The following SLC39A13 variants were observed in gnomAD, a reference collection of about 807,000 sequenced individuals.
The protein encoded by SLC39A13 is zinc transporter ZIP13.
SLC39A13 carries 18 observed loss-of-function variants against 38.7 expected under a neutral mutation model. The ratio of observed to expected loss-of-function variants is 0.47; its 90% CI spans 0.32 to 0.69. The LOEUF (loss-of-function observed/expected upper bound fraction) is 0.69, where lower values mean the gene tolerates loss of function less well. Among genes scored for constraint, SLC39A13 ranks in the 30% least tolerant of loss-of-function variants. SLC39A13 has a pLI of 0.03. For missense variants in SLC39A13, 395 were observed against 490.7 expected (o/e 0.80, Z 1.84); for synonymous variants, 212 against 219.1 (o/e 0.97, Z 0.29).
intron 2 of SLC39A13, among the ~76,000 whole-genome samples, chr11:47,411,309 A>G (rs181336342): frequency 4.3e-4 from 65 of 152,332 alleles, no homozygotes; most frequent in Non-Finnish European, 7.8e-4. Flanking sequence ...ACATATTGTC[A>G]TTTAATTCCC....
At chr11:47,411,490 A>G (rs1216776255) in intron 2 of SLC39A13, among the ~76,000 whole-genome samples, 3 of 152,216 alleles carry the variant, frequency 2.0e-5, no homozygotes, top group African/African-American at 7.2e-5. Flanking sequence ...CTGTAATCCC[A>G]GCTACTCAGG....
chr11:47,413,788 G>T, intron 6 of SLC39A13, 102 bp downstream of exon 6: 2 of 1,288,522 alleles, frequency 1.6e-6, no homozygotes, highest in South Asian at 2.5e-5. Context: ...CATTGCCAGC[G>T]CCCTCATCTA....
chr11:47,414,521 G>A, intron 7 of SLC39A13, 46 bp downstream of exon 7: 3 of 1,598,620 alleles, frequency 1.9e-6, no homozygotes, highest in Non-Finnish European at 2.6e-6. Flanking sequence ...CCCCCACAGT[G>A]CCCATGATCA....
chr11:47,415,782 C>G lies in SLC39A13; in HGVS notation c.*419C>G, dbSNP rs1595888259. The G allele has an allele frequency of 3.1e-6, 1 of 326,804 alleles. No individual in the cohort carries two copies. The highest frequency in any genetic ancestry group is 6.0e-6 in the Non-Finnish European group (1 of 167,936). The allele number at this position is 326,804 out of a possible 1,614,324, so 20.2% of individuals were successfully genotyped here. A position where few individuals can be genotyped will look rare whatever the true frequency, so the allele number is the denominator to read the frequency against. On this transcript the variant is annotated 3_prime_UTR_variant, in exon 10 of 10. Coordinates refer to ENST00000362021, the MANE Select transcript of SLC39A13 (RefSeq NM_001128225.3). ...AGAGCTGCCCACCTCCCACTGCCCC[C>G]TCAGCACACACACAGTCCCCAGGCG...
rs1259099794 is a variant in SLC39A13, at chr11:47,416,230, G to A, written c.*867G>A. 8 of 152,890 alleles carry A rather than the reference G, an allele frequency of 5.2e-5. No homozygotes were observed. Among genetic ancestry groups the A allele is most frequent in the African/African-American group, 1.9e-4 (8 of 41,462 alleles). The allele number at this position is 152,890 out of a possible 1,614,324, so 9.5% of individuals were successfully genotyped here. A position where few individuals can be genotyped will look rare whatever the true frequency, so the allele number is the denominator to read the frequency against. On this transcript the variant is annotated 3_prime_UTR_variant, in exon 10 of 10. Transcript: ENST00000362021. The stretch of plus-strand genomic sequence containing the variant: ...CCCCATTGAGGTTGGGGTAGGTGGG[G>A]GCGGTGAGGGCTCCACGTTGTCAGC...
chr11:47,411,807 A>G lies in SLC39A13; in HGVS notation c.302-119A>G. On this transcript the variant is annotated intron_variant, in intron 2 of 9. Coordinates refer to ENST00000362021, the MANE Select transcript of SLC39A13 (RefSeq NM_001128225.3). ...GCTGTGAGGTGGGGGACCCAGGAAG[A>G]GCAGCCACCCATATCCAGCCTTGCA... 3 of 940,720 alleles carry G rather than the reference A, an allele frequency of 3.2e-6. No individual in the cohort carries two copies. In the East Asian group the frequency reaches 7.9e-5, roughly 25 times the overall value. The allele number at this position is 940,720 out of a possible 1,614,324, so 58.3% of individuals were successfully genotyped here.
rs1423220823 is a variant in SLC39A13, at chr11:47,410,416, G to A, written c.301+21G>A. ...AGAAGGTAGGTGACTCTCCGGTGGC[G>A]CCCAGGGCTGGCCAGGGTGTGGGAA... On this transcript the variant is annotated intron_variant, in intron 2 of 9. Transcript: ENST00000362021. 3.7e-6 allele frequency: 6 copies of A among 1,612,820 alleles called. No homozygotes were observed. In the African/African-American group the frequency reaches 4.0e-5, roughly 11 times the overall value.
intron 2 of SLC39A13, among the ~76,000 whole-genome samples, chr11:47,410,709 A>G (rs1641708760): frequency 6.6e-6 from 1 of 152,140 alleles, no homozygotes; most frequent in African/African-American, 2.4e-5. Context: ...CACAAATAAC[A>G]TGTTGTAACA....
In SLC39A13 at chr11:47,415,508, T is replaced by C. The variant is rs1595887884; in HGVS notation, c.*145T>C. 1 of 886,658 alleles carries C rather than the reference T, an allele frequency of 1.1e-6. No homozygotes were observed. The highest frequency in any genetic ancestry group is 2.6e-5 in the East Asian group (1 of 39,136). The allele number at this position is 886,658 out of a possible 1,614,324, so 54.9% of individuals were successfully genotyped here. On this transcript the variant is annotated 3_prime_UTR_variant, in exon 10 of 10. Transcript: ENST00000362021. Reference sequence around the variant, plus strand: ...CAGACAGGAGGGAGGTGCGTGTGGATGTATGTGGTGTGCACATGTGGCCAG... The same window carrying C: ...CAGACAGGAGGGAGGTGCGTGTGGACGTATGTGGTGTGCACATGTGGCCAG...
At chr11:47,413,223 C>T (rs553656842) in intron 4 of SLC39A13, among the ~76,000 whole-genome samples, 177 bp from the exon 5 acceptor site, 3 of 152,172 alleles carry the variant, frequency 2.0e-5, no homozygotes, top group Non-Finnish European at 4.4e-5. Context: ...CCAGGCTGGT[C>T]TCGAACTCCT....
upstream of SLC39A13, chr11:47,408,510 G>A (rs1220052434): frequency 3.3e-5 from 5 of 149,620 alleles, no homozygotes; most frequent in African/African-American, 1.2e-4. Context: ...CTCGGGTTCC[G>A]GACAGGCCCC....
intron 4 of SLC39A13, among the ~76,000 whole-genome samples, chr11:47,412,992 C>T (rs1196873831): frequency 1.3e-5 from 2 of 151,030 alleles, no homozygotes; most frequent in African/African-American, 4.9e-5. Context: ...GATCTCTTGA[C>T]TTCTTGATCC....
In SLC39A13 at chr11:47,411,909, G is replaced by T. The variant is rs775872862; in HGVS notation, c.302-17G>T. 1.2e-6 allele frequency: 2 copies of T among 1,608,396 alleles called. No homozygotes were observed. Among genetic ancestry groups the T allele is most frequent in the Admixed American group, 1.7e-5 (1 of 59,444 alleles). On this transcript the variant is annotated splice_polypyrimidine_tract_variant and intron_variant, in intron 2 of 9. Coordinates refer to ENST00000362021, the MANE Select transcript of SLC39A13 (RefSeq NM_001128225.3). ...TCCAGCCAGTCAGCCCCCAGACCCCGCATCTCTCCCTTGTAGCTGGGGCCT... is the reference window on the plus strand; with the variant it reads ...TCCAGCCAGTCAGCCCCCAGACCCCTCATCTCTCCCTTGTAGCTGGGGCCT...
In SLC39A13 at chr11:47,410,332, C is replaced by T. The variant is rs760172683; in HGVS notation, c.238C>T (p.Leu80Phe). The change falls in exon 2 of 10, where the codon CTC (leucine) becomes TTC (phenylalanine). Residue 80 changes from leucine (L) to phenylalanine (F), a missense_variant. Transcript: ENST00000362021. Reference sequence around the variant, plus strand: ...CCTCCTGGGTTCCCTCATGGTGGGGCTCAGTGGGGTCTTCCCGTTGCTTGT... The same window carrying T: ...CCTCCTGGGTTCCCTCATGGTGGGGTTCAGTGGGGTCTTCCCGTTGCTTGT... ...CSLLGSLMVG[L>F]SGVFPLLVIP... 1 of 1,614,126 alleles carries T rather than the reference C, an allele frequency of 6.2e-7. No individual in the cohort carries two copies. Among genetic ancestry groups the T allele is most frequent in the East Asian group, 2.2e-5 (1 of 44,872 alleles).
At chr11:47,408,697 C>CG (rs2095982081) in intron 1 of SLC39A13, 35 bp downstream of exon 1, 1 of 153,074 alleles carries the variant, frequency 6.5e-6, no homozygotes, top group Non-Finnish European at 1.5e-5. Context: ...GCCCGCGCCC[C>CG]GGGCGTGATG....
chr11:47,409,933 G>C, intron 1 of SLC39A13, 154 bp from the exon 2 acceptor site: 1 of 834,128 alleles, frequency 1.2e-6, no homozygotes, highest in Non-Finnish European at 1.9e-6. Flanking sequence ...CCCCATTGCT[G>C]TGCACCCAGC....
At position 47,415,546 on chromosome 11, in the gene SLC39A13, G is replaced by A. The variant is rs1444061027; in HGVS notation, c.*183G>A. 3 of 711,506 alleles carry A rather than the reference G, an allele frequency of 4.2e-6. No homozygotes were observed. The highest frequency in any genetic ancestry group is 4.1e-5 in the Admixed American group (2 of 48,850). 44.1% of individuals were successfully genotyped at this position (711,506 alleles called of 1,614,324 possible). On this transcript the variant is annotated 3_prime_UTR_variant, in exon 10 of 10. Transcript: ENST00000362021. ...CACATGTGGCCAGAGGTGTGTGCGCGAGACCGACACTGTGATCCCTGTGCT... is the reference window on the plus strand; with the variant it reads ...CACATGTGGCCAGAGGTGTGTGCGCAAGACCGACACTGTGATCCCTGTGCT...
At chr11:47,414,743 G>A in intron 7 of SLC39A13, 34 bp from the exon 8 acceptor site, 10 of 1,602,718 alleles carry the variant, frequency 6.2e-6, no homozygotes, top group Non-Finnish European at 8.5e-6. Context: ...AGGCCCCGCT[G>A]GGGCGCAGGG....
In SLC39A13 at chr11:47,410,499, G is replaced by A. The variant is rs144182207; in HGVS notation, c.301+104G>A. ...TCACAGAGTGTCTGAGATGGAGGGA[G>A]AGGATAGAATAGAACTTCTCCCCTT... On this transcript the variant is annotated intron_variant, in intron 2 of 9. Transcript: ENST00000362021. The A allele has an allele frequency of 8.1e-5, 117 of 1,435,900 alleles. No homozygotes were observed. In the African/African-American group the frequency reaches 1.5e-3, roughly 18 times the overall value. The allele number at this position is 1,435,900 out of a possible 1,614,324, so 88.9% of individuals were successfully genotyped here. A position where few individuals can be genotyped will look rare whatever the true frequency, so the allele number is the denominator to read the frequency against.
Sources: gnomAD v4.1 joint callset for allele counts (sites outside exome capture counted in the v4.1 genomes callset) on GRCh38, gnomAD v4.1.1 for gene constraint, MANE v1.5 for transcripts, NCBI Gene and HGNC (gene_info 2026-07-23, HGNC 2026-07-21) for gene names.